Variants in PTPRT observed in about 807,000 individuals in gnomAD.
PTPRT encodes receptor-type tyrosine-protein phosphatase T.
Under a neutral mutation model 176.8 loss-of-function variants are expected in PTPRT, and 56 were observed. The observed-to-expected ratio is 0.32, with a 90% CI of 0.26 to 0.40. PTPRT has a LOEUF of 0.40. Among genes scored for constraint, PTPRT ranks in the 10% least tolerant of loss-of-function variants. The pLI, the probability that PTPRT is intolerant of heterozygous loss-of-function variation, is 1.00. For synonymous variants in PTPRT, 783 were observed against 739.0 expected, an observed-to-expected ratio of 1.06 and a Z score of -0.96; for missense variants, 1,540 against 1,908.2, an observed-to-expected ratio of 0.81 and a Z score of 3.60.
At chr20:42,772,657 C>A (rs1464025208) in intron 4 of PTPRT, among the ~76,000 whole-genome samples, 1 of 152,056 alleles carries the variant, frequency 6.6e-6, no homozygotes, top group Non-Finnish European at 1.5e-5. Flanking sequence ...GATCTCTATG[C>A]CATCAATCAA....
chr20:42,116,705 C>G (rs917245353), intron 21 of PTPRT, among the ~76,000 whole-genome samples: 1 of 152,244 alleles, frequency 6.6e-6, no homozygotes, highest in African/African-American at 2.4e-5. Flanking sequence ...GGCCAGGATG[C>G]AAACCCAGGG....
chr20:42,639,864 T>TTCTTGAATTTCAGAATATTTGCCTA, intron 7 of PTPRT, among the ~76,000 whole-genome samples: 1 of 152,122 alleles, frequency 6.6e-6, no homozygotes, highest in South Asian at 2.1e-4. Flanking sequence ...ACCTGTCTTT[T>TTCTTGAATTTCAGAATATTTGCCTA]TACTCTGGCC....
At chr20:42,708,866 C>T (rs2076100657) in intron 6 of PTPRT, among the ~76,000 whole-genome samples, 1 of 152,196 alleles carries the variant, frequency 6.6e-6, no homozygotes, top group Non-Finnish European at 1.5e-5. Context: ...TGCCTACCTC[C>T]ATAGGAATGT....
the PTPRT span, among the ~76,000 whole-genome samples, chr20:42,055,364 T>C: frequency 6.6e-6 from 1 of 152,264 alleles, no homozygotes; most frequent in East Asian, 1.9e-4. Flanking sequence ...GATGACTTAA[T>C]CTTTTGCTGA....
intron 1 of PTPRT, among the ~76,000 whole-genome samples, chr20:42,901,642 C>T (rs145208078): frequency 1.3e-5 from 2 of 152,256 alleles, no homozygotes; most frequent in East Asian, 3.9e-4. Context: ...ATCGACTTGA[C>T]CACAGTGGTA....
At chr20:42,732,584 G>T (rs779299027) in intron 6 of PTPRT, among the ~76,000 whole-genome samples, 1 of 152,130 alleles carries the variant, frequency 6.6e-6, no homozygotes, top group Non-Finnish European at 1.5e-5. Flanking sequence ...GAAGGGGCAG[G>T]CATAGAACAA....
intron 7 of PTPRT, among the ~76,000 whole-genome samples, chr20:42,542,108 T>C (rs376608851): frequency 6.6e-5 from 10 of 152,282 alleles, no homozygotes; most frequent in East Asian, 3.9e-4. Context: ...ACAAGGTAAG[T>C]TGTGTCTTTG....
At chr20:43,086,074 T>A (rs1234754818) in intron 1 of PTPRT, among the ~76,000 whole-genome samples, 1 of 152,032 alleles carries the variant, frequency 6.6e-6, no homozygotes, top group Non-Finnish European at 1.5e-5. Flanking sequence ...AAGACAAGCA[T>A]CTAAAGGGCA....
chr20:42,168,412 G>A (rs1373461532), intron 16 of PTPRT, among the ~76,000 whole-genome samples: 2 of 152,178 alleles, frequency 1.3e-5, no homozygotes, highest in African/African-American at 2.4e-5. Context: ...TCCACTGGAA[G>A]AAATCTCAAG....
intron 1 of PTPRT, among the ~76,000 whole-genome samples, chr20:43,067,396 A>C (rs1201771084): frequency 5.3e-5 from 8 of 152,232 alleles, no homozygotes; most frequent in Admixed American, 1.3e-4. Context: ...AACTGTATCA[A>C]GGTGGTACTT....
chr20:42,858,119 T>G (rs1290486658), intron 2 of PTPRT, among the ~76,000 whole-genome samples: 1 of 152,176 alleles, frequency 6.6e-6, no homozygotes, highest in East Asian at 1.9e-4. Context: ...TCTGCCTACC[T>G]GTCTACCTAT....
At chr20:43,014,597 GTTAT>G (rs144598312) in intron 1 of PTPRT, among the ~76,000 whole-genome samples, 3,175 of 152,218 alleles carry the variant, frequency 0.021, 45 homozygotes, top group South Asian at 0.047. Flanking sequence ...GTTTCAGGGG[GTTAT>G]TTATTTATTA....
intron 15 of PTPRT, among the ~76,000 whole-genome samples, chr20:42,224,950 C>T (rs2055971794): frequency 1.3e-5 from 2 of 152,192 alleles, no homozygotes; most frequent in Admixed American, 6.5e-5. Context: ...CATGGTAGTG[C>T]ACTCTCCCGA....
chr20:43,070,756 A>C (rs1325341924), intron 1 of PTPRT, among the ~76,000 whole-genome samples: 1 of 151,956 alleles, frequency 6.6e-6, no homozygotes, highest in Non-Finnish European at 1.5e-5. Flanking sequence ...GTTCTCACTC[A>C]TAGGTGGGAA....
intron 15 of PTPRT, among the ~76,000 whole-genome samples, chr20:42,227,006 T>C (rs2056028860): frequency 2.0e-5 from 3 of 152,102 alleles, no homozygotes; most frequent in Non-Finnish European, 4.4e-5. Context: ...AGAGTGTTCA[T>C]AAGCAATGAA....
At chr20:42,907,502 G>A (rs926858857) in intron 1 of PTPRT, among the ~76,000 whole-genome samples, 5 of 151,942 alleles carry the variant, frequency 3.3e-5, no homozygotes, top group Non-Finnish European at 7.4e-5. Flanking sequence ...CTTGGAGGAC[G>A]CGACACAATT....
chr20:42,878,075 T>C (rs1282256021), intron 2 of PTPRT, among the ~76,000 whole-genome samples: 2 of 152,200 alleles, frequency 1.3e-5, no homozygotes, highest in African/African-American at 4.8e-5. Flanking sequence ...TATAAGGGAA[T>C]ACAGAAATAT....
At chr20:42,289,924 T>C (rs556797105) in intron 12 of PTPRT, among the ~76,000 whole-genome samples, 69 of 152,206 alleles carry the variant, frequency 4.5e-4, no homozygotes, top group Non-Finnish European at 9.0e-4. Flanking sequence ...CCTAAGTTCC[T>C]AACAACTTTA....
chr20:42,054,860 T>A, the PTPRT span, among the ~76,000 whole-genome samples: 1 of 152,196 alleles, frequency 6.6e-6, no homozygotes, highest in African/African-American at 2.4e-5. Flanking sequence ...GGGCATAGAC[T>A]GGCTGACAGC....
Sources: gnomAD v4.1 joint callset for allele counts (sites outside exome capture counted in the v4.1 genomes callset) on GRCh38, gnomAD v4.1.1 for gene constraint, MANE v1.5 for transcripts, NCBI Gene and HGNC (gene_info 2026-07-23, HGNC 2026-07-21) for gene names.